Variants in DPH6 observed in about 807,000 individuals in gnomAD.
DPH6 encodes diphthamine biosynthesis 6, also known as diphthine--ammonia ligase.
DPH6 carries 33 observed loss-of-function variants against 38.2 expected under a neutral mutation model. That is an observed-to-expected ratio of 0.86 (90% CI 0.65 to 1.15). DPH6 has a LOEUF of 1.15. Among genes scored for constraint, DPH6 ranks in the 50% most tolerant of loss-of-function variants. The pLI is 0.00. For missense variants in DPH6, 325 were observed against 320.0 expected, an observed-to-expected ratio of 1.02 and a Z score of -0.12; for synonymous variants, 108 against 103.0, an observed-to-expected ratio of 1.05 and a Z score of -0.30.
chr15:35,484,822 G>C (rs2054375195), intron 3 of DPH6, among the ~76,000 whole-genome samples: 1 of 152,188 alleles, frequency 6.6e-6, no homozygotes, highest in Non-Finnish European at 1.5e-5. Flanking sequence ...AATTGGATTA[G>C]TTATATTATT....
chr15:35,445,995 G>A (rs563737040), intron 5 of DPH6, among the ~76,000 whole-genome samples: 1 of 152,244 alleles, frequency 6.6e-6, no homozygotes, highest in East Asian at 1.9e-4. Flanking sequence ...TAAACCTCGA[G>A]TAACAACATG....
chr15:35,158,472 G>A, the DPH6 span, among the ~76,000 whole-genome samples: 6 of 151,912 alleles, frequency 3.9e-5, no homozygotes, highest in Non-Finnish European at 8.8e-5. Context: ...CATTCTTACA[G>A]CAAGTTGTTT....
intron 6 of DPH6, chr15:35,401,365 G>A (rs1439087322): frequency 2.1e-5 from 16 of 752,120 alleles, no homozygotes; most frequent in African/African-American, 1.2e-4. Flanking sequence ...TGGGTATGGC[G>A]GCAGTGGGAA....
At chr15:35,357,146 C>T (rs112575111) in intron 3 of DPH6, among the ~76,000 whole-genome samples, 4,757 of 152,318 alleles carry the variant, frequency 0.031, 232 homozygotes, top group African/African-American at 0.11. Flanking sequence ...GCAGTATTAG[C>T]GTGGGAATGA....
Position 35,429,023 on chromosome 15 carries a change from AT to A in DPH6, c.506-18128del, listed in dbSNP as rs539767924. The stretch of plus-strand genomic sequence containing the variant: ...ATACATTATCATTTTAGTTTTCAGG[AT>A]TTTTTCTATGAATGACTTTTGCACA... On this transcript the variant is annotated intron_variant, in intron 5 of 8. Transcript: ENST00000256538. Among the ~76,000 whole-genome samples the A allele has an allele frequency of 1.1e-4, 17 of 152,204 alleles. No individual in the cohort carries two copies. In the East Asian group the frequency reaches 1.2e-3, roughly 10 times the overall value.
At chr15:35,338,641 A>G (rs1352535056) in intron 3 of DPH6, among the ~76,000 whole-genome samples, 1 of 152,154 alleles carries the variant, frequency 6.6e-6, no homozygotes. Flanking sequence ...TCAGGGATCT[A>G]GAACTAGAAA....
intron 3 of DPH6, among the ~76,000 whole-genome samples, chr15:35,487,536 T>G (rs1233163208): frequency 6.6e-6 from 1 of 152,234 alleles, no homozygotes; most frequent in Non-Finnish European, 1.5e-5. Context: ...TAGCCATGGC[T>G]GGAGCTGAAG....
chr15:35,541,863 T>G (rs1309732183), intron 2 of DPH6, among the ~76,000 whole-genome samples: 5 of 152,148 alleles, frequency 3.3e-5, no homozygotes, highest in Non-Finnish European at 7.4e-5. Context: ...GAATTATATG[T>G]GGATGCCCTT....
chr15:35,296,653 G>C (rs1267371479), intron 3 of DPH6, among the ~76,000 whole-genome samples: 2 of 152,122 alleles, frequency 1.3e-5, no homozygotes, highest in African/African-American at 4.8e-5. Flanking sequence ...ACACATAACT[G>C]GAGACAGATT....
rs775790403 is a variant in DPH6 at position 35,414,233 on chromosome 15, C to T, written c.506-3337G>A. ...TGATGATCTGTGAGTGGTATACTCT[C>T]CCAGTTTTTATAGGTCTCATAATGT... On this transcript the variant is annotated intron_variant, in intron 5 of 8. Coordinates refer to ENST00000256538, the MANE Select transcript of DPH6 (RefSeq NM_080650.4). Among the ~76,000 whole-genome samples the T allele has an allele frequency of 6.6e-5, 10 of 151,668 alleles. No homozygotes were observed. The South Asian group carries it at 1.0e-3, about 16-fold the overall frequency.
intron 3 of DPH6, among the ~76,000 whole-genome samples, chr15:35,466,705 G>A (rs2054130780): frequency 6.6e-6 from 1 of 152,116 alleles, no homozygotes; most frequent in South Asian, 2.1e-4. Context: ...AATGTAGATG[G>A]TAATAGCCTA....
the DPH6 span, among the ~76,000 whole-genome samples, chr15:35,160,356 C>T: frequency 2.0e-5 from 3 of 151,978 alleles, no homozygotes; most frequent in Non-Finnish European, 2.9e-5. Context: ...AGGCTGTCTT[C>T]TCCATTTTTC....
At chr15:35,345,227 A>C (rs10152717) in intron 3 of DPH6, among the ~76,000 whole-genome samples, 4,601 of 151,972 alleles carry the variant, frequency 0.03, 236 homozygotes, top group African/African-American at 0.11. Context: ...TTAACCTCGT[A>C]TCCAGAAACC....
At chr15:35,430,167 A>C (rs1410258417) in intron 5 of DPH6, among the ~76,000 whole-genome samples, 1 of 152,178 alleles carries the variant, frequency 6.6e-6, no homozygotes, top group African/African-American at 2.4e-5. Context: ...GAAAAAGGAC[A>C]GAAGCAGTTT....
chr15:35,276,281 G>GT (rs2051858620), intron 3 of DPH6, among the ~76,000 whole-genome samples: 1 of 152,032 alleles, frequency 6.6e-6, no homozygotes, highest in Admixed American at 6.6e-5. Context: ...TGATGGGATT[G>GT]TTTGTTTTTT....
the DPH6 span, among the ~76,000 whole-genome samples, chr15:35,159,291 C>T: frequency 1.3e-5 from 2 of 152,028 alleles, no homozygotes; most frequent in African/African-American, 4.8e-5. Flanking sequence ...TCTGCTTGTG[C>T]AATGCATCTC....
intron 3 of DPH6, among the ~76,000 whole-genome samples, chr15:35,354,577 T>A (rs2052543399): frequency 6.6e-6 from 1 of 152,328 alleles, no homozygotes; most frequent in Admixed American, 6.5e-5. Flanking sequence ...ATATGCTGGA[T>A]TATGTTTATT....
At chr15:35,390,285 C>T (rs972270131) in intron 6 of DPH6, among the ~76,000 whole-genome samples, 8 of 152,172 alleles carry the variant, frequency 5.3e-5, no homozygotes, top group African/African-American at 1.9e-4. Flanking sequence ...TTTTTTCCTT[C>T]ATTTCAACTT....
In DPH6 at chr15:35,450,682, T is replaced by C. The variant is rs1183216069; in HGVS notation, c.505+3A>G. 2 of 1,610,824 alleles carry C rather than the reference T, an allele frequency of 1.2e-6. No homozygotes were observed. Among genetic ancestry groups the C allele is most frequent in the Non-Finnish European group, 1.7e-6 (2 of 1,177,748 alleles). On this transcript the variant is annotated splice_donor_region_variant and intron_variant, in intron 5 of 8. Coordinates refer to ENST00000256538, the MANE Select transcript of DPH6 (RefSeq NM_080650.4). ...CAGCTCCCTTGATAGTTTGGCTGCA[T>C]ACCCAAAGCTGCTACTTTGATGATC...
Sources: allele counts gnomAD v4.1 joint callset (sites outside exome capture counted in the v4.1 genomes callset), GRCh38; gene constraint gnomAD v4.1.1; transcripts MANE v1.5; gene names NCBI Gene and HGNC (gene_info 2026-07-23, HGNC 2026-07-21).